Variants in UNC5D observed in about 807,000 individuals in gnomAD.
UNC5D encodes netrin receptor UNC5D.
Under a neutral mutation model 105.4 loss-of-function variants are expected in UNC5D, and 39 were observed. That is an observed-to-expected ratio of 0.37 (90% CI 0.29 to 0.48). The LOEUF (loss-of-function observed/expected upper bound fraction) is 0.48. Ranked by LOEUF, UNC5D falls within the 20% of genes least tolerant of loss-of-function variation. UNC5D has a pLI of 0.98. For synonymous variants in UNC5D, 452 were observed against 450.4 expected (o/e 1.00, Z -0.04); for missense variants, 991 against 1,202.4 (o/e 0.82, Z 2.60).
chr8:35,463,857 G>A (rs1363097049), intron 1 of UNC5D, among the ~76,000 whole-genome samples: 1 of 151,764 alleles, frequency 6.6e-6, no homozygotes, highest in Non-Finnish European at 1.5e-5. Flanking sequence ...AGCATGTAGA[G>A]TAGTGCCTGG....
At chr8:35,370,692 C>T (rs749918567) in intron 1 of UNC5D, among the ~76,000 whole-genome samples, 1 of 152,118 alleles carries the variant, frequency 6.6e-6, no homozygotes, top group Non-Finnish European at 1.5e-5. Context: ...GAAAACCATG[C>T]TGAGGCCATT....
At chr8:35,455,989 G>T (rs1476256140) in intron 1 of UNC5D, among the ~76,000 whole-genome samples, 1 of 152,128 alleles carries the variant, frequency 6.6e-6, no homozygotes, top group African/African-American at 2.4e-5. Context: ...AAAAAGTGCA[G>T]GGTGGCAGTT....
At chr8:35,556,799 T>C (rs1406656182) in intron 2 of UNC5D, among the ~76,000 whole-genome samples, 1 of 152,188 alleles carries the variant, frequency 6.6e-6, no homozygotes, top group African/African-American at 2.4e-5. Flanking sequence ...CATTATTAAT[T>C]TGTTCCCCTA....
chr8:35,581,028 G>A (rs1302980633), intron 3 of UNC5D, among the ~76,000 whole-genome samples: 1 of 152,052 alleles, frequency 6.6e-6, no homozygotes, highest in Non-Finnish European at 1.5e-5. Context: ...TCCTGATACC[G>A]GCCACACATG....
chr8:35,737,924 T>A (rs949961373), intron 11 of UNC5D, among the ~76,000 whole-genome samples: 1 of 151,950 alleles, frequency 6.6e-6, no homozygotes, highest in African/African-American at 2.4e-5. Context: ...CTGACCAACA[T>A]GGAAAAACCC....
At chr8:35,617,785 C>G (rs988052684) in intron 4 of UNC5D, among the ~76,000 whole-genome samples, 2 of 152,234 alleles carry the variant, frequency 1.3e-5, no homozygotes, top group Non-Finnish European at 2.9e-5. Context: ...AACTGAACAG[C>G]TGAGAATCCC....
At chr8:35,530,163 T>C (rs1230136168) in intron 1 of UNC5D, among the ~76,000 whole-genome samples, 2 of 152,172 alleles carry the variant, frequency 1.3e-5, no homozygotes, top group Non-Finnish European at 2.9e-5. Flanking sequence ...GTCCATTCAA[T>C]ATGATATTGG....
intron 1 of UNC5D, among the ~76,000 whole-genome samples, chr8:35,547,167 T>C (rs1167194951): frequency 2.0e-5 from 3 of 152,180 alleles, no homozygotes; most frequent in Admixed American, 2.0e-4. Context: ...TAGGAGCCAT[T>C]TACTAACTTG....
chr8:35,300,773 C>G (rs1807893764), intron 1 of UNC5D, among the ~76,000 whole-genome samples: 1 of 152,026 alleles, frequency 6.6e-6, no homozygotes, highest in African/African-American at 2.4e-5. Flanking sequence ...TTTTGATGTT[C>G]TTGGATTGAG....
chr8:35,257,991 G>A (rs377138198), intron 1 of UNC5D, among the ~76,000 whole-genome samples: 3 of 152,076 alleles, frequency 2.0e-5, no homozygotes, highest in Non-Finnish European at 2.9e-5. Context: ...TAATCCATTC[G>A]TGGTACTATA....
At chr8:35,622,939 T>A (rs1821446401) in intron 4 of UNC5D, among the ~76,000 whole-genome samples, 1 of 152,220 alleles carries the variant, frequency 6.6e-6, no homozygotes, top group Admixed American at 6.5e-5. Context: ...GGAGTGTAGC[T>A]ACCGTTGAAC....
intron 1 of UNC5D, among the ~76,000 whole-genome samples, chr8:35,424,626 G>T (rs754210822): frequency 9.9e-5 from 15 of 152,134 alleles, no homozygotes; most frequent in Non-Finnish European, 1.8e-4. Flanking sequence ...ATCTGGGTGG[G>T]AGGCTTTCAC....
intron 1 of UNC5D, among the ~76,000 whole-genome samples, chr8:35,271,354 C>CACACGTGCACGTGTGTATGTATATGT (rs1805296018): frequency 7.0e-5 from 5 of 71,074 alleles, no homozygotes; most frequent in South Asian, 6.3e-4. Flanking sequence ...TATGTATATG[C>CACACGTGCACGTGTGTATGTATATGT]ATACACACGT....
rs1802417720 is a variant in UNC5D, at chr8:35,779,728, T to G, written c.2657+5251T>G. 3.3e-5 allele frequency among the ~76,000 whole-genome samples: 5 copies of G among 152,142 alleles called. No individual in the cohort carries two copies. In the South Asian group the frequency reaches 1.0e-3, roughly 31 times the overall value. On this transcript the variant is annotated intron_variant, in intron 16 of 16. Transcript: ENST00000404895. Reference sequence around the variant, plus strand: ...GCCTCGGCCTCCCAAAGTGCTGAGATTACAGGCGTGTGCCACCATGCCTAG... The same window carrying G: ...GCCTCGGCCTCCCAAAGTGCTGAGAGTACAGGCGTGTGCCACCATGCCTAG...
intron 1 of UNC5D, among the ~76,000 whole-genome samples, chr8:35,453,038 GGCTTCTA>G (rs1808267506): frequency 6.6e-6 from 1 of 152,152 alleles, no homozygotes. Context: ...TTGTCCTGCA[GGCTTCTA>G]GCTTTTACAG....
At chr8:35,549,875 C>A (rs1418215095) in intron 2 of UNC5D, among the ~76,000 whole-genome samples, 1 of 151,582 alleles carries the variant, frequency 6.6e-6, no homozygotes, top group Non-Finnish European at 1.5e-5. Flanking sequence ...TGTTAAGCAG[C>A]ATGATTTGAG....
intron 4 of UNC5D, among the ~76,000 whole-genome samples, chr8:35,604,008 C>T (rs868515526): frequency 2.4e-4 from 36 of 152,320 alleles, no homozygotes; most frequent in Middle Eastern, 6.8e-3. Context: ...GATTGCCAGT[C>T]TGTGCCTTTT....
At chr8:35,747,797 T>C (rs1200687173) in intron 11 of UNC5D, among the ~76,000 whole-genome samples, 1 of 152,228 alleles carries the variant, frequency 6.6e-6, no homozygotes, top group African/African-American at 2.4e-5. Context: ...CTTTTATCTG[T>C]TCCATGACAC....
intron 2 of UNC5D, among the ~76,000 whole-genome samples, chr8:35,559,436 A>G (rs936804201): frequency 6.6e-5 from 10 of 152,212 alleles, no homozygotes; most frequent in Non-Finnish European, 1.5e-4. Context: ...CAAGCATTTG[A>G]GAACTGTGTC....
Sources: allele counts gnomAD v4.1 joint callset (sites outside exome capture counted in the v4.1 genomes callset), GRCh38; gene constraint gnomAD v4.1.1; transcripts MANE v1.5; gene names NCBI Gene and HGNC (gene_info 2026-07-23, HGNC 2026-07-21).